Variants in SOX6 observed in about 807,000 individuals in gnomAD.
The protein encoded by SOX6 is SRY-box transcription factor 6.
In SOX6, 11 loss-of-function variants were observed where a neutral mutation model predicts 97.8. That is an observed-to-expected ratio of 0.11 (90% CI 0.07 to 0.19). The LOEUF (loss-of-function observed/expected upper bound fraction) is 0.19. Among genes scored for constraint, SOX6 ranks in the 10% least tolerant of loss-of-function variants. The pLI, the probability that SOX6 is intolerant of heterozygous loss-of-function variation, is 1.00. For missense variants in SOX6, 810 were observed against 1,039.5 expected, an observed-to-expected ratio of 0.78 and a Z score of 3.04; for synonymous variants, 360 against 371.4, an observed-to-expected ratio of 0.97 and a Z score of 0.35.
intron 2 of SOX6, among the ~76,000 whole-genome samples, chr11:16,715,799 C>T (rs146103217): frequency 3.0e-4 from 46 of 151,810 alleles, no homozygotes; most frequent in African/African-American, 1.1e-3. Context: ...TACTTTTTTC[C>T]AACTACTCTC....
chr11:16,048,796 G>T (rs1171669034), intron 11 of SOX6, among the ~76,000 whole-genome samples: 1 of 151,896 alleles, frequency 6.6e-6, no homozygotes, highest in Non-Finnish European at 1.5e-5. Flanking sequence ...TTAAATCTGT[G>T]TCTGTTTGGA....
chr11:16,243,573 A>G (rs1345587549), intron 3 of SOX6, among the ~76,000 whole-genome samples: 1 of 151,940 alleles, frequency 6.6e-6, no homozygotes, highest in Non-Finnish European at 1.5e-5. Context: ...TATAAATTTA[A>G]TAAGTTTTGA....
chr11:16,295,224 A>T (rs559034825), intron 3 of SOX6, among the ~76,000 whole-genome samples: 1 of 152,222 alleles, frequency 6.6e-6, no homozygotes, highest in South Asian at 2.1e-4. Flanking sequence ...GTTCTACGAG[A>T]CTTATTTAAA....
At chr11:16,176,818 A>G (rs1851199921) in intron 6 of SOX6, among the ~76,000 whole-genome samples, 1 of 151,938 alleles carries the variant, frequency 6.6e-6, no homozygotes, top group Non-Finnish European at 1.5e-5. Context: ...TGGAGAAAGG[A>G]TCTGAAATAC....
rs1849240264 is a variant in SOX6 at position 16,111,912 on chromosome 11, G to A, written c.789C>T (p.His263=). 1 of 1,612,180 alleles carries A rather than the reference G, an allele frequency of 6.2e-7. No individual in the cohort carries two copies. Among genetic ancestry groups the A allele is most frequent in the African/African-American group, 1.3e-5 (1 of 74,868 alleles). ...LLQQQIQVQG[H]MPPLMIPIFP... is the part of the protein sequence containing the mutation. ...AAATTGGGATCATGAGCGGAGGCAT[G>A]TGACCCTGAACCTGCTAAACAGAAG... Residue 263 remains histidine, a synonymous_variant, in exon 7 of 16, where the codon CAC becomes CAT. Transcript: ENST00000683767.
intron 2 of SOX6, among the ~76,000 whole-genome samples, chr11:16,320,475 A>G (rs753548303): frequency 6.6e-6 from 1 of 152,196 alleles, no homozygotes; most frequent in Non-Finnish European, 1.5e-5. Flanking sequence ...AAGGTGGGAT[A>G]CAATGGATTT....
intron 13 of SOX6, among the ~76,000 whole-genome samples, chr11:16,007,272 C>G (rs1030457869): frequency 1.2e-4 from 19 of 152,050 alleles, no homozygotes; most frequent in African/African-American, 4.6e-4. Context: ...GTACTGAATA[C>G]TGTAGGCAAT....
chr11:16,578,489 A>G (rs905471484), intron 4 of SOX6, among the ~76,000 whole-genome samples: 1 of 152,116 alleles, frequency 6.6e-6, no homozygotes, highest in Non-Finnish European at 1.5e-5. Flanking sequence ...AAGTGAAAAG[A>G]TTGGGCTAGA....
intron 6 of SOX6, among the ~76,000 whole-genome samples, chr11:16,132,443 A>AG (rs1156302154): frequency 5.5e-5 from 5 of 91,478 alleles, no homozygotes; most frequent in Non-Finnish European, 8.1e-5. Context: ...GAAAGAAAGA[A>AG]AAAAGAAAGA....
chr11:16,051,249 A>C (rs1279941287), intron 10 of SOX6, among the ~76,000 whole-genome samples: 2 of 152,194 alleles, frequency 1.3e-5, no homozygotes, highest in African/African-American at 4.8e-5. Context: ...ACCGTCAATG[A>C]CTATGAGCCT....
chr11:16,588,203 A>C (rs1315147754), intron 4 of SOX6, among the ~76,000 whole-genome samples: 1 of 152,212 alleles, frequency 6.6e-6, no homozygotes, highest in Non-Finnish European at 1.5e-5. Context: ...AAAGTTCTAT[A>C]TAAAGGGGAA....
At chr11:16,404,838 A>G (rs1858651945) in intron 1 of SOX6, among the ~76,000 whole-genome samples, 1 of 152,016 alleles carries the variant, frequency 6.6e-6, no homozygotes, top group African/African-American at 2.4e-5. Flanking sequence ...TTTCTTTTCA[A>G]CCTGAAACTC....
chr11:16,033,093 G>A (rs1436285036), intron 12 of SOX6, among the ~76,000 whole-genome samples: 1 of 152,144 alleles, frequency 6.6e-6, no homozygotes, highest in Non-Finnish European at 1.5e-5. Flanking sequence ...CTGTAGGTCA[G>A]AAAGAGACCA....
chr11:16,685,962 C>G (rs564881060), intron 3 of SOX6, among the ~76,000 whole-genome samples: 129 of 152,392 alleles, frequency 8.5e-4, no homozygotes, highest in African/African-American at 2.5e-3. Flanking sequence ...AGCTCACATT[C>G]TCCAAGGTGG....
chr11:16,363,431 C>T (rs1303289557), intron 1 of SOX6, among the ~76,000 whole-genome samples: 1 of 152,020 alleles, frequency 6.6e-6, no homozygotes, highest in African/African-American at 2.4e-5. Flanking sequence ...CCAATATCTG[C>T]AAATATTCCA....
chr11:16,068,065 G>C (rs890750580), intron 9 of SOX6, among the ~76,000 whole-genome samples: 1 of 152,168 alleles, frequency 6.6e-6, no homozygotes, highest in African/African-American at 2.4e-5. Flanking sequence ...CATCATTCAA[G>C]GGGACAATAG....
intron 1 of SOX6, among the ~76,000 whole-genome samples, chr11:16,380,709 A>G (rs1471647803): frequency 6.6e-6 from 1 of 152,128 alleles, no homozygotes; most frequent in East Asian, 1.9e-4. Context: ...CATGTCAACT[A>G]TATCAAGTTG....
intron 7 of SOX6, among the ~76,000 whole-genome samples, chr11:16,104,657 C>T (rs985746162): frequency 1.3e-5 from 2 of 151,650 alleles, no homozygotes; most frequent in Admixed American, 1.3e-4. Context: ...CATACACACA[C>T]ACACACATAC....
At chr11:16,094,511 A>G (rs1166817237) in intron 9 of SOX6, among the ~76,000 whole-genome samples, 1 of 151,962 alleles carries the variant, frequency 6.6e-6, no homozygotes, top group Non-Finnish European at 1.5e-5. Flanking sequence ...AAAGTCCAGC[A>G]GGAGAGGAAG....
Sources: gnomAD v4.1 joint callset for allele counts (sites outside exome capture counted in the v4.1 genomes callset) on GRCh38, gnomAD v4.1.1 for gene constraint, MANE v1.5 for transcripts, NCBI Gene and HGNC (gene_info 2026-07-23, HGNC 2026-07-21) for gene names.